The following DNAAF1 variants were observed in gnomAD, a reference collection of about 807,000 sequenced individuals.
DNAAF1 encodes dynein axonemal assembly factor 1.
A neutral mutation model predicts 71.1 loss-of-function variants in DNAAF1; 65 were observed. The ratio of observed to expected loss-of-function variants is 0.91; its 90% confidence interval spans 0.75 to 1.12. DNAAF1 has a LOEUF of 1.12. Among genes scored for constraint, DNAAF1 ranks in the 50% most tolerant of loss-of-function variants. The pLI is 0.00. For synonymous variants in DNAAF1, 414 were observed against 354.6 expected, an observed-to-expected ratio of 1.17 and a Z score of -1.88; for missense variants, 1,178 against 899.8, an observed-to-expected ratio of 1.31 and a Z score of -3.96.
intron 5 of DNAAF1, chr16:84,158,946 G>T (rs930588975): frequency 4.3e-5 from 33 of 763,080 alleles, no homozygotes; most frequent in Non-Finnish European, 4.9e-5. Context: ...GGCCAGGCTG[G>T]TCTCGAACTC....
chr16:84,157,067 G>A (rs541183881), intron 5 of DNAAF1, among the ~76,000 whole-genome samples: 1 of 151,548 alleles, frequency 6.6e-6, no homozygotes, highest in East Asian at 1.9e-4. Context: ...GCTCAGGCTG[G>A]TTATTTATCA....
chr16:84,157,717 A>T (rs1444708352), intron 5 of DNAAF1, among the ~76,000 whole-genome samples: 3 of 152,302 alleles, frequency 2.0e-5, no homozygotes, highest in African/African-American at 7.2e-5. Flanking sequence ...GCTATTGATA[A>T]ACATGGAGAA....
In DNAAF1 at chr16:84,170,014, G is replaced by A. The variant is rs1287425741; in HGVS notation, c.1186G>A (p.Gly396Arg). ...CGAGCTCTGCCCGGAAAAGCCAAGT[G>A]GAGAGGAGCCGCCTGTGGAGGCTAA... ...KDELCPEKPS[G>R]EEPPVEAKRE... is the part of the protein sequence containing the mutation. Residue 396 changes from glycine (G) to arginine (R), a missense_variant, in exon 8 of 12, where the codon GGA becomes AGA. Transcript: ENST00000378553. 4.3e-6 allele frequency: 7 copies of A among 1,613,782 alleles called. No homozygotes were observed. Among genetic ancestry groups the A allele is most frequent in the Non-Finnish European group, 5.9e-6 (7 of 1,180,034 alleles).
At position 84,170,410 on chromosome 16, in the gene DNAAF1, G is replaced by C. The variant is rs2088269006; in HGVS notation, c.1528+54G>C. 3.1e-6 allele frequency: 5 copies of C among 1,611,438 alleles called. No individual in the cohort carries two copies. In the South Asian group the frequency reaches 5.5e-5, roughly 18 times the overall value. On this transcript the variant is annotated intron_variant, in intron 8 of 11. Coordinates refer to ENST00000378553, the MANE Select transcript of DNAAF1 (RefSeq NM_178452.6). ...CACACACACCTCTCAGGGAGCCCCAGCCTTCGACTCACGTCTCTGTGGGAC... is the reference window on the plus strand; with the variant it reads ...CACACACACCTCTCAGGGAGCCCCACCCTTCGACTCACGTCTCTGTGGGAC...
chr16:84,168,437 C>T (rs1026051771), intron 7 of DNAAF1, among the ~76,000 whole-genome samples: 1 of 152,148 alleles, frequency 6.6e-6, no homozygotes, highest in Non-Finnish European at 1.5e-5. Flanking sequence ...ACACCTTTGA[C>T]TAATATTTTT....
chr16:84,173,626 G>A (rs2088497311), intron 9 of DNAAF1: 3 of 668,594 alleles, frequency 4.5e-6, no homozygotes, highest in Non-Finnish European at 5.6e-6. Context: ...ATGAAGTCAG[G>A]AGTTTGAGAC....
chr16:84,149,466 C>A lies in DNAAF1; in HGVS notation c.260+324C>A, dbSNP rs542820015. ...CAGCACTTTGGGAGGCTGAGGTGGG[C>A]GAATCACAAGGTCAGGAGTTCGAGA... On this transcript the variant is annotated intron_variant, in intron 2 of 11. Transcript: ENST00000378553. 1.2e-3 allele frequency among the ~76,000 whole-genome samples: 185 copies of A among 150,958 alleles called. 5 individuals are homozygous for A. In the South Asian group the frequency reaches 0.036, roughly 29 times the overall value.
rs906023838 is a variant in DNAAF1 at position 84,155,810 on chromosome 16, A to T, written c.741+61A>T. On this transcript the variant is annotated intron_variant, in intron 5 of 11. Transcript: ENST00000378553. ...ACAGGAAACCGCTTCTATTATTTTC[A>T]TCAAATATCAAGTCCTTTTGTCTTT... The T allele has an allele frequency of 3.8e-6, 6 of 1,585,408 alleles. No individual in the cohort carries two copies. In the South Asian group the frequency reaches 6.7e-5, roughly 18 times the overall value.
chr16:84,155,716 G>A lies in DNAAF1; in HGVS notation c.708G>A (p.Glu236=). The change falls in exon 5 of 12, where the codon GAG becomes GAA. Residue 236 remains glutamate, a synonymous_variant. Coordinates refer to ENST00000378553, the MANE Select transcript of DNAAF1 (RefSeq NM_178452.6). The part of the protein sequence containing the change: ...DLSHNKLSDP[E]ILSILESMPD... ...CGCACAACAAGCTGAGTGACCCGGA[G>A]ATCCTGAGCATTCTGGAAAGCATGC... 10 of 1,614,138 alleles carry A rather than the reference G, an allele frequency of 6.2e-6. No individual in the cohort carries two copies. The highest frequency in any genetic ancestry group is 7.6e-6 in the Non-Finnish European group (9 of 1,180,024).
At chr16:84,162,816 CA>C (rs1189239466) in intron 6 of DNAAF1, among the ~76,000 whole-genome samples, 4 of 150,578 alleles carry the variant, frequency 2.7e-5, no homozygotes, top group Admixed American at 6.6e-5. Context: ...GAGACTGTCT[CA>C]AAAAAACAAA....
At chr16:84,153,803 T>A (rs1454244558) in intron 3 of DNAAF1, among the ~76,000 whole-genome samples, 2 of 152,152 alleles carry the variant, frequency 1.3e-5, no homozygotes, top group African/African-American at 2.4e-5. Flanking sequence ...GCCCACAGTT[T>A]GCACTAGGGT....
At chr16:84,146,834 T>TA (rs1459070358) in intron 1 of DNAAF1, among the ~76,000 whole-genome samples, 18 of 152,164 alleles carry the variant, frequency 1.2e-4, no homozygotes, top group Non-Finnish European at 1.9e-4. Flanking sequence ...GTGATTACAT[T>TA]AAAAAACCAC....
At chr16:84,164,601 T>C (rs1278225817) in intron 6 of DNAAF1, among the ~76,000 whole-genome samples, 2 of 152,246 alleles carry the variant, frequency 1.3e-5, no homozygotes. Flanking sequence ...GACAGCTTGT[T>C]TCTTTTCATT....
At chr16:84,171,886 T>C (rs1260328522) in intron 8 of DNAAF1, among the ~76,000 whole-genome samples, 1 of 151,280 alleles carries the variant, frequency 6.6e-6, no homozygotes, top group African/African-American at 2.4e-5. Flanking sequence ...TGTCTTTTTT[T>C]TTTTTTTTTG....
rs566981724 is a variant in DNAAF1, at chr16:84,146,677, T to C, written c.124+1113T>C. ...GGTTGCAGTGAGCCAAGGGGGAGGC[T>C]GAGGCTGCAGTGAGCCAAGATCACA... is the stretch of plus-strand genomic sequence containing the variant. On this transcript the variant is annotated intron_variant, in intron 1 of 11. Transcript: ENST00000378553. Among the ~76,000 whole-genome samples the C allele has an allele frequency of 6.6e-4, 100 of 150,522 alleles. 2 individuals are homozygous for C. In the South Asian group the frequency reaches 0.019, roughly 29 times the overall value.
At chr16:84,149,197 A>G (rs1303455026) in intron 2 of DNAAF1, 55 bp downstream of exon 2, 25 of 1,603,314 alleles carry the variant, frequency 1.6e-5, no homozygotes, top group Non-Finnish European at 1.9e-5. Flanking sequence ...TAGATGGCGT[A>G]ATCACCCCCT....
chr16:84,149,249 C>T, intron 2 of DNAAF1, 107 bp downstream of exon 2: 1 of 1,419,922 alleles, frequency 7.0e-7, no homozygotes, highest in Non-Finnish European at 9.9e-7. Context: ...ATTGAATTGC[C>T]TGCCCAATGT....
rs373358293 is a variant in DNAAF1, at chr16:84,173,000, A to T, written c.1644+625A>T. 42 of 995,420 alleles carry T rather than the reference A, an allele frequency of 4.2e-5. No homozygotes were observed. The African/African-American group carries it at 6.6e-4, about 16-fold the overall frequency. 61.7% of individuals were successfully genotyped at this position (995,420 alleles called of 1,614,324 possible). On this transcript the variant is annotated intron_variant, in intron 9 of 11. Transcript: ENST00000378553. ...ACCATGGGAATTCACACATTGTCTC[A>T]CAACCCCCCAAGAACTGTCCTTTGA...
chr16:84,157,023 T>G (rs1056707646), intron 5 of DNAAF1, among the ~76,000 whole-genome samples: 1 of 151,976 alleles, frequency 6.6e-6, no homozygotes, highest in South Asian at 2.1e-4. Flanking sequence ...CAGCTAATTT[T>G]TATATTTTTT....
Sources: gnomAD v4.1 joint callset for allele counts (sites outside exome capture counted in the v4.1 genomes callset) on GRCh38, gnomAD v4.1.1 for gene constraint, MANE v1.5 for transcripts, NCBI Gene and HGNC (gene_info 2026-07-23, HGNC 2026-07-21) for gene names.